MICAL2: variants seen among roughly 807,000 people sequenced by gnomAD.
The protein encoded by MICAL2 is microtubule associated monooxygenase, calponin and LIM domain containing 2.
In MICAL2, 77 loss-of-function variants were observed where a neutral mutation model predicts 127.3. The observed-to-expected ratio is 0.60, with a 90% CI of 0.50 to 0.73. The LOEUF is 0.73. MICAL2 is among the 30% of genes least tolerant of loss of function. The pLI is 0.00. For missense variants in MICAL2, 1,351 were observed against 1,434.4 expected, an observed-to-expected ratio of 0.94 and a Z score of 0.94; for synonymous variants, 570 against 551.1, an observed-to-expected ratio of 1.03 and a Z score of -0.48.
chr11:12,202,004 C>A (rs1223111116), intron 3 of MICAL2, among the ~76,000 whole-genome samples: 1 of 152,176 alleles, frequency 6.6e-6, no homozygotes, highest in Non-Finnish European at 1.5e-5. Context: ...TGCCTGTAAT[C>A]CCAGCTACTC....
chr11:12,318,583 C>T (rs139079806), intron 29 of MICAL2, among the ~76,000 whole-genome samples: 83 of 152,254 alleles, frequency 5.5e-4, no homozygotes, highest in East Asian at 1.4e-3. Flanking sequence ...TGTTAGTTGA[C>T]GTGGAGGTGC....
chr11:12,266,000 T>C (rs1863607406), downstream of MICAL2, among the ~76,000 whole-genome samples: 1 of 151,986 alleles, frequency 6.6e-6, no homozygotes, highest in Non-Finnish European at 1.5e-5. Flanking sequence ...TAATTCCAGC[T>C]ACTTGGGAGG....
At position 12,209,558 on chromosome 11, in the gene MICAL2, C is replaced by T. The variant is rs531668044; in HGVS notation, c.651C>T (p.Asp217=). ...TDHSLSEFEF[D]VIIGADGRRN... Reference sequence around the variant, plus strand: ...ATTCTCTGTCGGAGTTTGAGTTTGACGTCATCATTGGTGCCGATGGCCGCA... The same window carrying T: ...ATTCTCTGTCGGAGTTTGAGTTTGATGTCATCATTGGTGCCGATGGCCGCA... The change falls in exon 6 of 28, where the codon GAC becomes GAT. Residue 217 remains aspartate (D), a synonymous_variant. Coordinates refer to ENST00000683283, the MANE Select transcript of MICAL2 (RefSeq NM_001282663.2). 7.5e-5 allele frequency: 121 copies of T among 1,614,116 alleles called. No individual in the cohort carries two copies. The South Asian group carries it at 1.1e-3, about 14-fold the overall frequency.
intron 32 of MICAL2, among the ~76,000 whole-genome samples, chr11:12,337,228 A>G (rs11529521): frequency 0.22 from 32,935 of 151,834 alleles, 4,119 homozygotes; most frequent in African/African-American, 0.33. Context: ...TAGATTTTCT[A>G]GTTTATTTGC....
At chr11:12,352,328 G>A (rs1939064220) in intron 33 of MICAL2, among the ~76,000 whole-genome samples, 1 of 152,350 alleles carries the variant, frequency 6.6e-6, no homozygotes, top group South Asian at 2.1e-4. Flanking sequence ...TAAGGTCATA[G>A]ACTCTATTTT....
At chr11:12,269,159 TG>T (rs1383624323) in intron 24 of MICAL2, among the ~76,000 whole-genome samples, 1 of 152,178 alleles carries the variant, frequency 6.6e-6, no homozygotes, top group Non-Finnish European at 1.5e-5. Context: ...TGCTCAGTGC[TG>T]GGGTCTTGCT....
chr11:12,281,829 G>A (rs1863775297), intron 2 of MICAL2, among the ~76,000 whole-genome samples: 1 of 152,198 alleles, frequency 6.6e-6, no homozygotes, highest in African/African-American at 2.4e-5. Flanking sequence ...TAGCAGCCCA[G>A]CTTGTGTTTA....
At chr11:12,332,129 G>A (rs1226846740) in intron 32 of MICAL2, among the ~76,000 whole-genome samples, 1 of 152,144 alleles carries the variant, frequency 6.6e-6, no homozygotes, top group East Asian at 1.9e-4. Flanking sequence ...AGCAGACTAT[G>A]GGTTTTGAGG....
chr11:12,157,532 A>G (rs553919193), intron 2 of MICAL2, among the ~76,000 whole-genome samples: 8 of 152,342 alleles, frequency 5.3e-5, no homozygotes, highest in Middle Eastern at 6.8e-3. Flanking sequence ...CTATTCTTGG[A>G]AACTTAAAGC....
chr11:12,301,398 T>C (rs56116240), intron 29 of MICAL2, among the ~76,000 whole-genome samples: 4 of 152,358 alleles, frequency 2.6e-5, no homozygotes, highest in Non-Finnish European at 4.4e-5. Flanking sequence ...TCGTGCCTTC[T>C]GTTTTTGGGC....
chr11:12,254,368 G>A (rs913757970), intron 22 of MICAL2: 1 of 152,274 alleles, frequency 6.6e-6, no homozygotes, highest in African/African-American at 2.4e-5. Flanking sequence ...CCAAGTCTCA[G>A]CACTGGCCCA....
At chr11:12,122,376 C>T (rs1256417725) in intron 1 of MICAL2, among the ~76,000 whole-genome samples, 1 of 152,184 alleles carries the variant, frequency 6.6e-6, no homozygotes, top group African/African-American at 2.4e-5. Context: ...GCCTCTCATT[C>T]GGTACTGGCC....
chr11:12,328,506 A>G lies in MICAL2; in HGVS notation c.5515+1240A>G, dbSNP rs372911819. Among the ~76,000 whole-genome samples the G allele has an allele frequency of 5.9e-5, 9 of 152,314 alleles. No homozygotes were observed. The East Asian group carries it at 1.7e-3, about 29-fold the overall frequency. On this transcript the variant is annotated intron_variant, in intron 32 of 34. Transcript: ENST00000646065. ...CTGCAAAGGTCAAATGTGGAAAGAC[A>G]TGAAATATCTTCACAAATGAGCTAG...
intron 3 of MICAL2, among the ~76,000 whole-genome samples, chr11:12,186,523 C>T (rs549539141): frequency 3.9e-5 from 6 of 152,194 alleles, no homozygotes; most frequent in Admixed American, 2.0e-4. Context: ...GATTTGAGGG[C>T]GCCTAGACAA....
chr11:12,136,044 A>G (rs527659753), intron 1 of MICAL2, among the ~76,000 whole-genome samples: 5 of 152,014 alleles, frequency 3.3e-5, no homozygotes, highest in African/African-American at 1.2e-4. Context: ...AAGAGCTTAG[A>G]CTCTGAAAAC....
chr11:12,338,898 C>A (rs1190580035), intron 32 of MICAL2, among the ~76,000 whole-genome samples: 2 of 152,168 alleles, frequency 1.3e-5, no homozygotes, highest in Non-Finnish European at 2.9e-5. Context: ...TTTTTTCCTT[C>A]ATTTCAACTT....
At chr11:12,301,741 T>C (rs1440599941) in intron 29 of MICAL2, among the ~76,000 whole-genome samples, 1 of 152,164 alleles carries the variant, frequency 6.6e-6, no homozygotes, top group Non-Finnish European at 1.5e-5. Context: ...TCAGTGTCCA[T>C]GCAGGTTAGT....
chr11:12,319,236 C>T (rs755968057), intron 29 of MICAL2, among the ~76,000 whole-genome samples: 2 of 152,108 alleles, frequency 1.3e-5, no homozygotes, highest in South Asian at 4.1e-4. Context: ...TGCTGTGAGC[C>T]GCAGAAGGGC....
intron 3 of MICAL2, among the ~76,000 whole-genome samples, chr11:12,180,034 C>T (rs937361227): frequency 1.3e-5 from 2 of 152,212 alleles, no homozygotes; most frequent in African/African-American, 2.4e-5. Context: ...ACTCCTTGCT[C>T]CCATATCTTC....
Sources: allele counts gnomAD v4.1 joint callset (sites outside exome capture counted in the v4.1 genomes callset), GRCh38; gene constraint gnomAD v4.1.1; transcripts MANE v1.5; gene names NCBI Gene and HGNC (gene_info 2026-07-23, HGNC 2026-07-21).